The following ZNF385D variants were observed in gnomAD, a reference collection of about 807,000 sequenced individuals.
ZNF385D encodes zinc finger protein 659.
A neutral mutation model predicts 35.8 loss-of-function variants in ZNF385D; 15 were observed. That is an observed-to-expected ratio of 0.42 (90% CI 0.28 to 0.64). The LOEUF (loss-of-function observed/expected upper bound fraction) is 0.64. Ranked by LOEUF, ZNF385D falls within the 30% of genes least tolerant of loss-of-function variation. The probability of loss-of-function intolerance (pLI) is 0.23; values close to 1 mark genes in which losing one functional copy is unlikely to be tolerated. For synonymous variants in ZNF385D, 212 were observed against 186.8 expected (o/e 1.13, Z -1.10); for missense variants, 474 against 494.6 (o/e 0.96, Z 0.39).
At chr3:22,006,906 T>C (rs1696245179) in intron 3 of ZNF385D, among the ~76,000 whole-genome samples, 2 of 152,004 alleles carry the variant, frequency 1.3e-5, no homozygotes, top group South Asian at 4.1e-4. Flanking sequence ...TTATAAGTCA[T>C]TTAAGGTTTG....
intron 4 of ZNF385D, among the ~76,000 whole-genome samples, chr3:21,496,553 CACAT>C (rs1705901068): frequency 7.4e-6 from 1 of 135,222 alleles, no homozygotes; most frequent in Non-Finnish European, 1.5e-5. Flanking sequence ...TATATATACA[CACAT>C]ATATTTGATA....
chr3:21,571,001 T>TTAAC (rs1414057886), intron 2 of ZNF385D, among the ~76,000 whole-genome samples: 1 of 148,128 alleles, frequency 6.8e-6, no homozygotes, highest in African/African-American at 2.5e-5. Flanking sequence ...TCCTTTTTCT[T>TTAAC]TAACTTTTTA....
At chr3:22,306,142 C>A (rs1004662059) in intron 2 of ZNF385D, among the ~76,000 whole-genome samples, 1 of 151,956 alleles carries the variant, frequency 6.6e-6, no homozygotes, top group African/African-American at 2.4e-5. Context: ...AGTTATTCTG[C>A]TTGCATAGTG....
chr3:21,797,768 G>A (rs1037989818), intron 3 of ZNF385D, among the ~76,000 whole-genome samples: 1 of 151,992 alleles, frequency 6.6e-6, no homozygotes, highest in African/African-American at 2.4e-5. Context: ...CATGCTATAT[G>A]ATTTCAACTA....
chr3:21,781,777 T>C (rs561437200), intron 3 of ZNF385D, among the ~76,000 whole-genome samples: 48 of 152,030 alleles, frequency 3.2e-4, no homozygotes, highest in Middle Eastern at 3.4e-3. Flanking sequence ...GCTCATCCCT[T>C]TACCAGACAA....
chr3:21,642,629 C>T (rs1220316799), intron 2 of ZNF385D, among the ~76,000 whole-genome samples: 1 of 152,100 alleles, frequency 6.6e-6, no homozygotes, highest in African/African-American at 2.4e-5. Flanking sequence ...AAAGTGGTGA[C>T]TCAGACATAT....
intron 3 of ZNF385D, among the ~76,000 whole-genome samples, chr3:21,822,228 C>T (rs766641475): frequency 5.9e-5 from 9 of 151,870 alleles, no homozygotes; most frequent in African/African-American, 1.9e-4. Context: ...GCCACCACCA[C>T]GCCTGGCTAA....
At chr3:21,812,090 G>A (rs964218985) in intron 3 of ZNF385D, among the ~76,000 whole-genome samples, 6 of 152,066 alleles carry the variant, frequency 3.9e-5, no homozygotes, top group African/African-American at 7.2e-5. Flanking sequence ...GAAGTTAAGT[G>A]CCACCAAAAA....
chr3:21,532,597 A>G (rs1378863164), intron 3 of ZNF385D, among the ~76,000 whole-genome samples: 1 of 152,088 alleles, frequency 6.6e-6, no homozygotes. Flanking sequence ...TCTGTACCCC[A>G]TAATTGAAAT....
chr3:21,981,467 C>T (rs185707333), intron 3 of ZNF385D, among the ~76,000 whole-genome samples: 3 of 152,106 alleles, frequency 2.0e-5, no homozygotes, highest in Non-Finnish European at 4.4e-5. Flanking sequence ...GGATGTTACA[C>T]CTTTGTCAGA....
chr3:21,516,365 C>A (rs1707563039), intron 3 of ZNF385D, among the ~76,000 whole-genome samples: 1 of 152,078 alleles, frequency 6.6e-6, no homozygotes. Flanking sequence ...AGTATAAAGA[C>A]CATTTTGAGC....
intron 2 of ZNF385D, among the ~76,000 whole-genome samples, chr3:21,613,804 C>G (rs1198460028): frequency 6.6e-6 from 1 of 152,194 alleles, no homozygotes; most frequent in Non-Finnish European, 1.5e-5. Context: ...CAGCTCAATT[C>G]CATGCACATC....
At chr3:21,483,490 T>C (rs1417265667) in intron 4 of ZNF385D, among the ~76,000 whole-genome samples, 4 of 152,162 alleles carry the variant, frequency 2.6e-5, no homozygotes, top group Non-Finnish European at 5.9e-5. Context: ...ATGGCAAGTA[T>C]ATGTTTACTT....
At chr3:22,013,088 T>C (rs1017932471) in intron 3 of ZNF385D, among the ~76,000 whole-genome samples, 10 of 152,028 alleles carry the variant, frequency 6.6e-5, no homozygotes, top group Non-Finnish European at 1.5e-4. Flanking sequence ...AAACAGAATG[T>C]AAAACCCCAA....
Position 22,238,647 on chromosome 3 carries a change from C to A in ZNF385D, c.107-69612G>T, listed in dbSNP as rs144120756. On this transcript the variant is annotated intron_variant, in intron 2 of 5. Transcript: ENST00000494108. ...ATCTATTGATCTTTTATCCTTCAATCTTACAGAACTCATTTATTAGCTCTA... is the reference window on the plus strand; with the variant it reads ...ATCTATTGATCTTTTATCCTTCAATATTACAGAACTCATTTATTAGCTCTA... Among the ~76,000 whole-genome samples the A allele has an allele frequency of 8.6e-5, 13 of 150,940 alleles. 2 individuals carry two copies. The highest frequency in any genetic ancestry group is 3.2e-4 in the African/African-American group (13 of 40,828).
At chr3:21,973,070 A>T (rs1703366940) in intron 3 of ZNF385D, among the ~76,000 whole-genome samples, 1 of 151,990 alleles carries the variant, frequency 6.6e-6, no homozygotes, top group Non-Finnish European at 1.5e-5. Context: ...ATTCTATGAG[A>T]TCAGGATTAC....
In ZNF385D at chr3:22,268,902, G is replaced by A. The variant is rs141043070; in HGVS notation, c.107-99867C>T. The stretch of plus-strand genomic sequence containing the variant: ...AATAGTGGGGGTGGGGGAGAATGGG[G>A]TTGTGGTGAAGATATAATCAGCTAA... On this transcript the variant is annotated intron_variant, in intron 2 of 5. Coordinates refer to the ZNF385D transcript ENST00000494108. Among the ~76,000 whole-genome samples the A allele has an allele frequency of 2.7e-3, 411 of 151,918 alleles. 1 individual carries two copies. In the Middle Eastern group the frequency reaches 0.027, roughly 10 times the overall value.
At chr3:21,937,918 G>T (rs1353312327) in intron 3 of ZNF385D, among the ~76,000 whole-genome samples, 3 of 152,142 alleles carry the variant, frequency 2.0e-5, no homozygotes, top group Non-Finnish European at 4.4e-5. Context: ...AAGACCAAAA[G>T]TAGAAAATAA....
chr3:21,867,016 T>C (rs1243964084), intron 3 of ZNF385D, among the ~76,000 whole-genome samples: 2 of 152,058 alleles, frequency 1.3e-5, no homozygotes, highest in Non-Finnish European at 2.9e-5. Flanking sequence ...TGGTCACTTA[T>C]AAAGAAAACT....
Sources: gnomAD v4.1 joint callset for allele counts (sites outside exome capture counted in the v4.1 genomes callset) on GRCh38, gnomAD v4.1.1 for gene constraint, MANE v1.5 for transcripts, NCBI Gene and HGNC (gene_info 2026-07-23, HGNC 2026-07-21) for gene names.